CA6: variants seen among roughly 807,000 people sequenced by gnomAD.
CA6 encodes carbonic anhydrase 6, also known as carbonate dehydratase VI.
A neutral mutation model predicts 35.9 loss-of-function variants in CA6; 28 were observed. The observed-to-expected ratio is 0.78, with a 90% confidence interval of 0.58 to 1.07. The LOEUF is 1.07. Among genes scored for constraint, CA6 ranks in the 50% least tolerant of loss-of-function variants. CA6 has a pLI of 0.00. For missense variants in CA6, 377 were observed against 382.0 expected, an observed-to-expected ratio of 0.99 and a Z score of 0.11; for synonymous variants, 148 against 152.6, an observed-to-expected ratio of 0.97 and a Z score of 0.22.
At chr1:8,948,473 G>A (rs1639427656) in intron 1 of CA6, among the ~76,000 whole-genome samples, 1 of 151,890 alleles carries the variant, frequency 6.6e-6, no homozygotes, top group South Asian at 2.1e-4. Context: ...AAAAGGGGCT[G>A]GAGCAAGAAA....
intron 7 of CA6, among the ~76,000 whole-genome samples, chr1:8,974,045 G>A (rs1330330328): frequency 1.3e-5 from 2 of 151,884 alleles, no homozygotes; most frequent in African/African-American, 4.8e-5. Context: ...GGCTGGTCTC[G>A]AACTCCTGAG....
chr1:8,970,477 A>G (rs1230074297), intron 6 of CA6, among the ~76,000 whole-genome samples: 7 of 152,020 alleles, frequency 4.6e-5, no homozygotes, highest in African/African-American at 1.7e-4. Flanking sequence ...GGTTATATAA[A>G]TCCAAACTCT....
At chr1:8,962,539 C>T in intron 4 of CA6, 48 bp from the exon 5 acceptor site, 1 of 1,464,940 alleles carries the variant, frequency 6.8e-7, no homozygotes, top group Non-Finnish European at 9.6e-7. Flanking sequence ...AGCGATGGTG[C>T]TGGGGCCTCT....
At chr1:8,946,230 G>T (rs941210491) in intron 1 of CA6, among the ~76,000 whole-genome samples, 1 of 152,038 alleles carries the variant, frequency 6.6e-6, no homozygotes, top group African/African-American at 2.4e-5. Flanking sequence ...TAGAGACAGG[G>T]TTTCACCATG....
At position 8,974,258 on chromosome 1, in the gene CA6, A is replaced by C. The variant is rs1640206387; in HGVS notation, c.845-364A>C. 3.6e-6 allele frequency: 3 copies of C among 836,560 alleles called. No individual in the cohort carries two copies. In the South Asian group the frequency reaches 6.0e-5, roughly 17 times the overall value. 51.8% of individuals were successfully genotyped at this position (836,560 alleles called of 1,614,324 possible). On this transcript the variant is annotated intron_variant, in intron 7 of 7. Coordinates refer to ENST00000377443, the MANE Select transcript of CA6 (RefSeq NM_001215.4). ...TAACCCACCTGCAAGGAGTGAATTG[A>C]GAAACCAAGGTCAGTTACAAAAACA... is the stretch of plus-strand genomic sequence containing the variant.
intron 2 of CA6, among the ~76,000 whole-genome samples, chr1:8,956,735 C>A (rs1032209535): frequency 6.6e-6 from 1 of 152,214 alleles, no homozygotes; most frequent in Non-Finnish European, 1.5e-5. Flanking sequence ...TCGGCAAATT[C>A]CAAACTTGGC....
intron 4 of CA6, among the ~76,000 whole-genome samples, chr1:8,960,856 C>A (rs2124169517): frequency 6.7e-6 from 1 of 148,186 alleles, no homozygotes; most frequent in East Asian, 2.0e-4. Flanking sequence ...TGAAACAAAA[C>A]AAAACAATGG....
chr1:8,949,916 G>A (rs948418652), intron 2 of CA6, among the ~76,000 whole-genome samples: 1 of 152,112 alleles, frequency 6.6e-6, no homozygotes, highest in Non-Finnish European at 1.5e-5. Context: ...GAAGGTGAAG[G>A]TCAGACAGAA....
chr1:8,950,059 A>C (rs1639484596), intron 2 of CA6, among the ~76,000 whole-genome samples: 1 of 152,060 alleles, frequency 6.6e-6, no homozygotes, highest in South Asian at 2.1e-4. Flanking sequence ...AGCTCACTGC[A>C]ACCTCCACCT....
At chr1:8,967,218 C>T (rs1639993390) in intron 5 of CA6, among the ~76,000 whole-genome samples, 1 of 152,144 alleles carries the variant, frequency 6.6e-6, no homozygotes, top group African/African-American at 2.4e-5. Context: ...CAGAAGTCTC[C>T]AGGGGCCATA....
intron 1 of CA6, among the ~76,000 whole-genome samples, chr1:8,947,960 T>C (rs940744514): frequency 2.0e-5 from 3 of 151,928 alleles, no homozygotes; most frequent in African/African-American, 7.3e-5. Context: ...TTCTCCTGCC[T>C]TAGCCTCTCA....
chr1:8,963,262 C>G lies in CA6; in HGVS notation c.571+606C>G, dbSNP rs368743475. On this transcript the variant is annotated intron_variant, in intron 5 of 7. Transcript: ENST00000377443. The surrounding 1 kb of genome is among the most constrained non-coding windows in gnomAD (Gnocchi z 4.1). ...CAGCCCCTCCTGCAATTCACCTGAC[C>G]GGAGTCCTCCAAACCTGGGGCTTCC... is the stretch of plus-strand genomic sequence containing the variant. Among the ~76,000 whole-genome samples, 9 of 152,114 alleles carry G rather than the reference C, an allele frequency of 5.9e-5. No individual in the cohort carries two copies. Among genetic ancestry groups the G allele is most frequent in the Non-Finnish European group, 1.0e-4 (7 of 68,032 alleles).
chr1:8,971,324 T>C (rs931897087), intron 7 of CA6, among the ~76,000 whole-genome samples: 1 of 151,220 alleles, frequency 6.6e-6, no homozygotes, highest in Non-Finnish European at 1.5e-5. Flanking sequence ...TTTTTTTTTT[T>C]TTTTTGAGAC....
chr1:8,957,116 A>G (rs1639706216), intron 2 of CA6, 21 bp from the exon 3 acceptor site: 1 of 1,581,142 alleles, frequency 6.3e-7, no homozygotes, highest in South Asian at 1.2e-5. Context: ...CTCTGCTCTC[A>G]GCCCCACCTT....
At chr1:8,946,730 C>T (rs1639373490) in intron 1 of CA6, among the ~76,000 whole-genome samples, 2 of 151,546 alleles carry the variant, frequency 1.3e-5, no homozygotes, top group South Asian at 4.2e-4. Context: ...AGGCAGTTTA[C>T]CCAGAACATC....
At chr1:8,973,706 C>CTTTCTT (rs759769182) in intron 7 of CA6, among the ~76,000 whole-genome samples, 2 of 113,432 alleles carry the variant, frequency 1.8e-5, no homozygotes, top group African/African-American at 7.2e-5. Context: ...ATTTTTCTTT[C>CTTTCTT]TCTCTCTTTC....
At chr1:8,965,831 G>A (rs1349717153) in intron 5 of CA6, among the ~76,000 whole-genome samples, 1 of 151,168 alleles carries the variant, frequency 6.6e-6, no homozygotes, top group Admixed American at 6.6e-5. Flanking sequence ...AGGTTGCAGT[G>A]AGCTGAGATT....
Position 8,949,257 on chromosome 1 carries a change from T to A in CA6, c.80-6T>A, listed in dbSNP as rs1466559337. The stretch of plus-strand genomic sequence containing the variant: ...AGCCCCTTGAACTGTGTCTTTCCTG[T>A]CTTAGAAGGGGCACTGGACGAAGCG... On this transcript the variant is annotated splice_polypyrimidine_tract_variant and splice_region_variant and intron_variant, in intron 1 of 7. Coordinates refer to ENST00000377443, the MANE Select transcript of CA6 (RefSeq NM_001215.4). 8 of 1,589,388 alleles carry A rather than the reference T, an allele frequency of 5.0e-6. No homozygotes were observed. The African/African-American group carries it at 1.1e-4, about 22-fold the overall frequency.
chr1:8,969,966 A>G (rs963053563), intron 6 of CA6, among the ~76,000 whole-genome samples: 5 of 152,032 alleles, frequency 3.3e-5, no homozygotes, highest in Admixed American at 3.3e-4. Context: ...TTCCAGCACT[A>G]TGGGAGGCTG....
Sources: gnomAD v4.1 joint callset for allele counts (sites outside exome capture counted in the v4.1 genomes callset) on GRCh38, gnomAD v4.1.1 for gene constraint, Gnocchi (gnomAD v3.1) non-coding constraint, MANE v1.5 for transcripts, NCBI Gene and HGNC (gene_info 2026-07-23, HGNC 2026-07-21) for gene names.